Variants in VASH1 observed in about 807,000 individuals in gnomAD.
VASH1 encodes vasohibin 1, also known as tubulinyl-Tyr carboxypeptidase 1.
In VASH1, 16 loss-of-function variants were observed where a neutral mutation model predicts 35.0. The observed-to-expected ratio is 0.46, with a 90% CI of 0.31 to 0.70. The LOEUF (loss-of-function observed/expected upper bound fraction) is 0.70, where lower values mean the gene tolerates loss of function less well. Ranked by LOEUF, VASH1 falls within the 30% of genes least tolerant of loss-of-function variation. The pLI is 0.05. For missense variants in VASH1, 505 were observed against 510.7 expected (o/e 0.99, Z 0.11); for synonymous variants, 214 against 200.9 (o/e 1.07, Z -0.55).
intron 5 of VASH1, among the ~76,000 whole-genome samples, chr14:76,776,909 C>T (rs1481595545): frequency 1.3e-5 from 2 of 150,466 alleles, no homozygotes; most frequent in Non-Finnish European, 3.0e-5. Flanking sequence ...CTCCAGGCAG[C>T]CTGGAGCCTC....
At chr14:76,766,325 C>T (rs532238997) in intron 1 of VASH1, among the ~76,000 whole-genome samples, 1 of 152,338 alleles carries the variant, frequency 6.6e-6, no homozygotes, top group East Asian at 1.9e-4. Flanking sequence ...TGGCCACTGA[C>T]CCCAGACCCA....
Position 76,763,084 on chromosome 14 carries a change from G to T in VASH1, c.263G>T (p.Gly88Val), listed in dbSNP as rs1441446311. Residue 88 changes from glycine (G) to valine (V), a missense_variant, in exon 1 of 7, where the codon GGA becomes GTA. Coordinates refer to ENST00000167106, the MANE Select transcript of VASH1 (RefSeq NM_014909.5). Reference protein sequence around the residue: ...WKHVAKIHPDGEKVAQRIRGA... With the variant: ...WKHVAKIHPDVEKVAQRIRGA... ...CACGTGGCCAAGATCCACCCCGATG[G>T]AGAGAAGGTGGCGCAACGGATCCGT... 1.3e-6 allele frequency: 2 copies of T among 1,513,472 alleles called. No homozygotes were observed. The highest frequency in any genetic ancestry group is 1.8e-6 in the Non-Finnish European group (2 of 1,125,750). 93.8% of individuals were successfully genotyped at this position (1,513,472 alleles called of 1,614,324 possible). A position where few individuals can be genotyped will look rare whatever the true frequency, so the allele number is the denominator to read the frequency against.
At chr14:76,764,877 G>A (rs775446280) in intron 1 of VASH1, among the ~76,000 whole-genome samples, 18 of 151,838 alleles carry the variant, frequency 1.2e-4, no homozygotes, top group Admixed American at 2.0e-4. Context: ...GTAGAGATGG[G>A]GTTTCATTTT....
intron 1 of VASH1, among the ~76,000 whole-genome samples, chr14:76,763,770 T>C (rs1282468319): frequency 1.3e-5 from 2 of 152,182 alleles, no homozygotes; most frequent in South Asian, 2.1e-4. Context: ...AGAGGTCTTA[T>C]GGAGAAGCAT....
chr14:76,777,910 CTCCAGGGCAGT>C, intron 5 of VASH1, 38 bp from the exon 6 acceptor site: 1 of 1,363,888 alleles, frequency 7.3e-7, no homozygotes, highest in Non-Finnish European at 9.6e-7. Flanking sequence ...AGAGGTTGGG[CTCCAGGGCAGT>C]CCTGGAGTGA....
intron 3 of VASH1, among the ~76,000 whole-genome samples, chr14:76,772,820 T>A (rs1893829235): frequency 6.6e-6 from 1 of 152,236 alleles, no homozygotes; most frequent in Admixed American, 6.5e-5. Context: ...GGAGAGAAGT[T>A]GCCCCCAGCT....
chr14:76,769,452 C>G (rs758554355), intron 1 of VASH1: 3 of 1,288,976 alleles, frequency 2.3e-6, no homozygotes, highest in Non-Finnish European at 3.0e-6. Flanking sequence ...GAAGGCATGG[C>G]GAATATGCCC....
chr14:76,763,135 GAC>G lies in VASH1; in HGVS notation c.309+10_309+11del. On this transcript the variant is annotated splice_donor_region_variant and intron_variant, in intron 1 of 6. Coordinates refer to ENST00000167106, the MANE Select transcript of VASH1 (RefSeq NM_014909.5). The stretch of plus-strand genomic sequence containing the variant: ...GGGGCCACAGACCTGCCCAAGGTGA[GAC>G]ACACGGGTCAGGGGGGTGATAGCAC... The G allele has an allele frequency of 6.8e-7, 1 of 1,463,210 alleles. No individual in the cohort carries two copies. Among genetic ancestry groups the G allele is most frequent in the Non-Finnish European group, 9.1e-7 (1 of 1,101,260 alleles). The allele number at this position is 1,463,210 out of a possible 1,614,324, so 90.6% of individuals were successfully genotyped here. A position where few individuals can be genotyped will look rare whatever the true frequency, so the allele number is the denominator to read the frequency against.
chr14:76,769,271 G>A lies in VASH1; in HGVS notation c.310-692G>A. 4 of 1,280,156 alleles carry A rather than the reference G, an allele frequency of 3.1e-6. No individual in the cohort carries two copies. The South Asian group carries it at 5.0e-5, about 16-fold the overall frequency. The allele number at this position is 1,280,156 out of a possible 1,614,324, so 79.3% of individuals were successfully genotyped here. A position where few individuals can be genotyped will look rare whatever the true frequency, so the allele number is the denominator to read the frequency against. ...GGGAGGAAGACTGTCTGGGTACCTG[G>A]AAACCTGTACTGACTAGGTGTGGAG... On this transcript the variant is annotated intron_variant, in intron 1 of 6. Transcript: ENST00000167106.
chr14:76,776,394 T>A, intron 5 of VASH1, 121 bp downstream of exon 5: 1 of 1,323,494 alleles, frequency 7.6e-7, no homozygotes, highest in Non-Finnish European at 1.0e-6. Flanking sequence ...GGGACCTTGC[T>A]TAGTGGTCGA....
At chr14:76,765,458 G>C (rs1371623055) in intron 1 of VASH1, among the ~76,000 whole-genome samples, 1 of 152,178 alleles carries the variant, frequency 6.6e-6, no homozygotes, top group East Asian at 1.9e-4. Context: ...GCTCTGAGTA[G>C]AAAGGTACCC....
chr14:76,778,112 T>G (rs1389703976), intron 6 of VASH1, 41 bp downstream of exon 6: 2 of 1,366,036 alleles, frequency 1.5e-6, no homozygotes, highest in African/African-American at 3.1e-5. Context: ...AAAGAGGGTT[T>G]TTTTCCTTTC....
Position 76,776,093 on chromosome 14 carries a change from G to A in VASH1, c.732G>A (p.Glu244=), listed in dbSNP as rs367776683. The A allele has an allele frequency of 1.1e-5, 17 of 1,608,312 alleles. No homozygotes were observed. Among genetic ancestry groups the A allele is most frequent in the Non-Finnish European group, 1.4e-5 (17 of 1,179,416 alleles). ...TCAGCGAGCTCGTGCTGGACTTCGAGGCCGCCTACGGCCGCTGCTGGCACG... is the reference window on the plus strand; with the variant it reads ...TCAGCGAGCTCGTGCTGGACTTCGAAGCCGCCTACGGCCGCTGCTGGCACG... ...RTLSELVLDF[E]AAYGRCWHVL... The change falls in exon 5 of 7, where the codon GAG becomes GAA. Residue 244 remains glutamate (E), a synonymous_variant. Transcript: ENST00000167106.
At chr14:76,765,145 A>G (rs1893608728) in intron 1 of VASH1, among the ~76,000 whole-genome samples, 3 of 152,210 alleles carry the variant, frequency 2.0e-5, no homozygotes, top group Non-Finnish European at 4.4e-5. Context: ...AAATCAGGCC[A>G]TAAAAGAGTG....
Position 76,770,070 on chromosome 14 carries a change from G to A in VASH1, c.398+19G>A, listed in dbSNP as rs1481112269. The stretch of plus-strand genomic sequence containing the variant: ...AGCTGCAGTATCCTCTCTGGTCAAG[G>A]GTCATGGCCACCTTCTGGCCGGTGT... On this transcript the variant is annotated intron_variant, in intron 2 of 6. Transcript: ENST00000167106. 30 of 1,608,550 alleles carry A rather than the reference G, an allele frequency of 1.9e-5. No individual in the cohort carries two copies. The highest frequency in any genetic ancestry group is 2.5e-5 in the Non-Finnish European group (29 of 1,176,238).
At chr14:76,765,905 G>T (rs1183751940) in intron 1 of VASH1, among the ~76,000 whole-genome samples, 2 of 152,126 alleles carry the variant, frequency 1.3e-5, no homozygotes, top group Non-Finnish European at 2.9e-5. Flanking sequence ...ACCCCTGCAG[G>T]CTGGTGTCAT....
chr14:76,781,770 A>C lies in VASH1; in HGVS notation c.*2752A>C, dbSNP rs920491692. On this transcript the variant is annotated 3_prime_UTR_variant, in exon 7 of 7. Coordinates refer to ENST00000167106, the MANE Select transcript of VASH1 (RefSeq NM_014909.5). Reference sequence around the variant, plus strand: ...TTAAATTTATTTTTAACTGTTTCTCATATGTAGCAACCCCTCCTCCCCTCC... The same window carrying C: ...TTAAATTTATTTTTAACTGTTTCTCCTATGTAGCAACCCCTCCTCCCCTCC... The C allele has an allele frequency of 6.5e-5, 10 of 152,814 alleles. No homozygotes were observed. Among genetic ancestry groups the C allele is most frequent in the African/African-American group, 1.9e-4 (8 of 41,532 alleles). 9.5% of individuals were successfully genotyped at this position (152,814 alleles called of 1,614,324 possible).
Position 76,776,231 on chromosome 14 carries a change from C to G in VASH1, c.870C>G (p.Phe290Leu). 6.2e-7 allele frequency: 1 copy of G among 1,607,488 alleles called. No homozygotes were observed. Among genetic ancestry groups the G allele is most frequent in the Non-Finnish European group, 8.5e-7 (1 of 1,179,080 alleles). The stretch of plus-strand genomic sequence containing the variant: ...TGGAGCGCCTGGGCCGCGATGACTT[C>G]CGCAAGGAGCTGGAGCGCCACGCCC... ...LDVERLGRDDFRKELERHARD... is the reference protein window; with the variant it reads ...LDVERLGRDDLRKELERHARD... Residue 290 changes from phenylalanine to leucine, a missense_variant, in exon 5 of 7, where the codon TTC becomes TTG. Phe to Leu is a conservative substitution (Grantham distance 22, BLOSUM62 0). Transcript: ENST00000167106.
rs1390057590 is a variant in VASH1 at position 76,782,544 on chromosome 14, T to G, written c.*3526T>G. On this transcript the variant is annotated 3_prime_UTR_variant, in exon 7 of 7. Transcript: ENST00000167106. The stretch of plus-strand genomic sequence containing the variant: ...GTCTGCCCTGTGTCCCTGGGCTCGC[T>G]CCAAGTGCAGGAACATACATGCAGG... The G allele has an allele frequency of 6.6e-6, 1 of 152,170 alleles. No individual in the cohort carries two copies. Among genetic ancestry groups the G allele is most frequent in the Non-Finnish European group, 1.5e-5 (1 of 68,056 alleles). 9.4% of individuals were successfully genotyped at this position (152,170 alleles called of 1,614,324 possible). A position where few individuals can be genotyped will look rare whatever the true frequency, so the allele number is the denominator to read the frequency against.
Sources: allele counts gnomAD v4.1 joint callset (sites outside exome capture counted in the v4.1 genomes callset), GRCh38; gene constraint gnomAD v4.1.1; transcripts MANE v1.5; gene names NCBI Gene and HGNC (gene_info 2026-07-23, HGNC 2026-07-21).